The following RPS6KA2 variants were observed in gnomAD, a reference collection of about 807,000 sequenced individuals.
The protein encoded by RPS6KA2 is ribosomal protein S6 kinase alpha-2.
RPS6KA2 carries 42 observed loss-of-function variants against 91.8 expected under a neutral mutation model. The ratio of observed to expected loss-of-function variants is 0.46; its 90% CI spans 0.36 to 0.59. RPS6KA2 has a LOEUF of 0.59. Ranked by LOEUF, RPS6KA2 falls within the 20% of genes least tolerant of loss-of-function variation. RPS6KA2 has a pLI of 0.00. For missense variants in RPS6KA2, 798 were observed against 978.5 expected, an observed-to-expected ratio of 0.82 and a Z score of 2.46; for synonymous variants, 414 against 393.6, an observed-to-expected ratio of 1.05 and a Z score of -0.61.
chr6:166,536,857 G>A (rs1209435197), intron 2 of RPS6KA2, among the ~76,000 whole-genome samples: 1 of 152,234 alleles, frequency 6.6e-6, no homozygotes, highest in African/African-American at 2.4e-5. Flanking sequence ...ATTAGAAGTG[G>A]TGAAAGGCTG....
intron 3 of RPS6KA2, among the ~76,000 whole-genome samples, chr6:166,529,043 C>T (rs1304408846): frequency 1.3e-5 from 2 of 152,192 alleles, no homozygotes; most frequent in African/African-American, 2.4e-5. Flanking sequence ...ACTAGAAATA[C>T]CATTTGACCC....
intron 2 of RPS6KA2, chr6:166,702,065 G>T: frequency 8.1e-7 from 1 of 1,234,614 alleles, no homozygotes; most frequent in Non-Finnish European, 1.2e-6. Flanking sequence ...CTTACAAGCC[G>T]CAGAGGTGCC....
intron 1 of RPS6KA2, among the ~76,000 whole-genome samples, chr6:166,582,007 A>G: frequency 1.1e-5 from 1 of 89,892 alleles, no homozygotes; most frequent in South Asian, 3.8e-4. Context: ...GCACAGGGAG[A>G]GGTGAGATGG....
At chr6:166,636,340 C>T (rs1435939723) in intron 2 of RPS6KA2, among the ~76,000 whole-genome samples, 1 of 152,092 alleles carries the variant, frequency 6.6e-6, no homozygotes, top group Non-Finnish European at 1.5e-5. Context: ...ATCAGCGCCT[C>T]CCTGCAGAGG....
chr6:166,551,457 G>A (rs1294643985), intron 1 of RPS6KA2, among the ~76,000 whole-genome samples: 1 of 152,148 alleles, frequency 6.6e-6, no homozygotes, highest in Non-Finnish European at 1.5e-5. Flanking sequence ...TTCCTATCCT[G>A]ACGATTCTTA....
At chr6:166,765,050 T>C (rs1252515523) in intron 2 of RPS6KA2, among the ~76,000 whole-genome samples, 1 of 133,076 alleles carries the variant, frequency 7.5e-6, no homozygotes, top group Non-Finnish European at 1.5e-5. Flanking sequence ...AGCCTGGGGC[T>C]TTCTCCTCCC....
At chr6:166,860,036 G>A (rs1781007741) in intron 1 of RPS6KA2, among the ~76,000 whole-genome samples, 1 of 152,182 alleles carries the variant, frequency 6.6e-6, no homozygotes, top group African/African-American at 2.4e-5. Flanking sequence ...TTCTTGATAT[G>A]TGAGTTATTT....
At chr6:166,514,462 C>T (rs1782573975) in intron 3 of RPS6KA2, among the ~76,000 whole-genome samples, 1 of 152,176 alleles carries the variant, frequency 6.6e-6, no homozygotes, top group African/African-American at 2.4e-5. Flanking sequence ...CGGGAGCCTC[C>T]AGGTGCTTGG....
At chr6:166,693,544 T>G (rs1789272139) in intron 2 of RPS6KA2, among the ~76,000 whole-genome samples, 1 of 152,208 alleles carries the variant, frequency 6.6e-6, no homozygotes. Context: ...CAAGTCCACT[T>G]AGCCAGGATC....
chr6:166,607,166 T>A (rs1785983967), intron 1 of RPS6KA2, among the ~76,000 whole-genome samples: 4 of 132,204 alleles, frequency 3.0e-5, no homozygotes, highest in East Asian at 2.4e-4. Flanking sequence ...AAAAGCTCCA[T>A]CTATCACTGC....
At chr6:166,504,768 T>C (rs1782139417) in intron 5 of RPS6KA2, among the ~76,000 whole-genome samples, 156 bp from the exon 6 acceptor site, 1 of 152,202 alleles carries the variant, frequency 6.6e-6, no homozygotes, top group Non-Finnish European at 1.5e-5. Context: ...TTCTGACTCT[T>C]CTCATGGAAA....
intron 2 of RPS6KA2, among the ~76,000 whole-genome samples, chr6:166,633,209 G>C: frequency 6.6e-6 from 1 of 152,214 alleles, no homozygotes; most frequent in East Asian, 1.9e-4. Context: ...AACAGAGTGA[G>C]AGCCCATCTC....
In RPS6KA2 at chr6:166,448,666, C is replaced by T. The variant is rs1200563728; in HGVS notation, c.1332+58G>A. 14 of 1,543,882 alleles carry T rather than the reference C, an allele frequency of 9.1e-6. No individual in the cohort carries two copies. Among genetic ancestry groups the T allele is most frequent in the South Asian group, 4.7e-5 (4 of 84,376 alleles). On this transcript the variant is annotated intron_variant, in intron 14 of 20. Coordinates refer to ENST00000265678, the MANE Select transcript of RPS6KA2 (RefSeq NM_021135.6). The surrounding 1 kb of genome is among the most constrained non-coding windows in gnomAD (Gnocchi z 4.7). The stretch of plus-strand genomic sequence containing the variant: ...ATGCTCCGTGCTCCCACATACCACA[C>T]GTGCTCCCACGCGCTGCACTCACAC...
rs1159196302 is a variant in RPS6KA2 at position 166,434,795 on chromosome 6, T to C, written c.1333-2305A>G. Among the ~76,000 whole-genome samples the C allele has an allele frequency of 6.6e-6, 1 of 152,156 alleles. No individual in the cohort carries two copies. Among genetic ancestry groups the C allele is most frequent in the African/African-American group, 2.4e-5 (1 of 41,426 alleles). ...CCACCGCCACGGACCATCTTCAAGA[T>C]ACAAGGAGTAAAAAAGGCCGACGCG... On this transcript the variant is annotated intron_variant, in intron 14 of 20. Coordinates refer to ENST00000265678, the MANE Select transcript of RPS6KA2 (RefSeq NM_021135.6). The surrounding 1 kb of genome is among the most constrained non-coding windows in gnomAD (Gnocchi z 4.4).
chr6:166,512,982 T>A (rs1227154534), intron 3 of RPS6KA2, among the ~76,000 whole-genome samples: 1 of 152,232 alleles, frequency 6.6e-6, no homozygotes, highest in African/African-American at 2.4e-5. Context: ...TGACATTCCT[T>A]ACAGCAGGGG....
At chr6:166,559,249 G>A in intron 1 of RPS6KA2, among the ~76,000 whole-genome samples, 1 of 152,162 alleles carries the variant, frequency 6.6e-6, no homozygotes, top group East Asian at 1.9e-4. Context: ...TGGGCAGTGT[G>A]GGAAGGGATT....
chr6:166,759,702 T>C (rs186265729), intron 2 of RPS6KA2, among the ~76,000 whole-genome samples: 77 of 152,328 alleles, frequency 5.1e-4, no homozygotes, highest in African/African-American at 1.8e-3. Flanking sequence ...TTAAAATATA[T>C]GTGCAGCCTT....
At chr6:166,660,450 A>T (rs1424034600) in intron 2 of RPS6KA2, among the ~76,000 whole-genome samples, 1 of 151,864 alleles carries the variant, frequency 6.6e-6, no homozygotes, top group East Asian at 1.9e-4. Flanking sequence ...GAGGGAGGAG[A>T]GAGATTACTG....
chr6:166,578,037 C>T (rs886438073), intron 1 of RPS6KA2, among the ~76,000 whole-genome samples: 1 of 152,160 alleles, frequency 6.6e-6, no homozygotes, highest in Admixed American at 6.5e-5. Context: ...TTGCTGCCAC[C>T]ATATAAGAAA....
Sources: gnomAD v4.1 joint callset for allele counts (sites outside exome capture counted in the v4.1 genomes callset) on GRCh38, gnomAD v4.1.1 for gene constraint, Gnocchi (gnomAD v3.1) non-coding constraint, MANE v1.5 for transcripts, NCBI Gene and HGNC (gene_info 2026-07-23, HGNC 2026-07-21) for gene names.